SEMA4D: variants seen among roughly 807,000 people sequenced by gnomAD.
SEMA4D encodes semaphorin-4D.
A neutral mutation model predicts 74.8 loss-of-function variants in SEMA4D; 22 were observed. That is an observed-to-expected ratio of 0.29 (90% CI 0.21 to 0.42). The LOEUF (loss-of-function observed/expected upper bound fraction) is 0.42. SEMA4D is among the 10% of genes least tolerant of loss of function. The probability of loss-of-function intolerance (pLI) is 1.00; values close to 1 mark genes in which losing one functional copy is unlikely to be tolerated. For missense variants in SEMA4D, 937 were observed against 1,118.4 expected (o/e 0.84, Z 2.31); for synonymous variants, 445 against 463.7 (o/e 0.96, Z 0.52).
chr9:89,470,079 A>T (rs963326380), intron 1 of SEMA4D, among the ~76,000 whole-genome samples: 1 of 152,266 alleles, frequency 6.6e-6, no homozygotes, highest in African/African-American at 2.4e-5. Context: ...AAGATCAACA[A>T]CATAAAAGTG....
chr9:89,479,076 C>A (rs80283133), intron 1 of SEMA4D, among the ~76,000 whole-genome samples: 12,562 of 152,234 alleles, frequency 0.083, 756 homozygotes, highest in Admixed American at 0.16. Context: ...CAGGGCTGCC[C>A]ACTGGAGCTC....
intron 4 of SEMA4D, among the ~76,000 whole-genome samples, chr9:89,400,189 T>C (rs968018425): frequency 1.2e-4 from 18 of 152,228 alleles, no homozygotes; most frequent in African/African-American, 4.3e-4. Flanking sequence ...GTAAGATCCA[T>C]GTTCCTACCA....
intron 4 of SEMA4D, among the ~76,000 whole-genome samples, chr9:89,400,341 C>T (rs1043638907): frequency 2.6e-5 from 4 of 152,264 alleles, no homozygotes; most frequent in African/African-American, 9.6e-5. Flanking sequence ...CTCTGCCTCA[C>T]CTTCCCCAAA....
At chr9:89,448,583 A>G (rs1853554230) in intron 2 of SEMA4D, among the ~76,000 whole-genome samples, 1 of 151,936 alleles carries the variant, frequency 6.6e-6, no homozygotes, top group East Asian at 1.9e-4. Flanking sequence ...TCTGAGGAAC[A>G]GCGATCCACA....
In SEMA4D at chr9:89,457,485, C is replaced by T. The variant is rs192898577; in HGVS notation, c.-309-1532G>A. 1.5e-3 allele frequency among the ~76,000 whole-genome samples: 224 copies of T among 152,312 alleles called. 1 individual carries two copies. The Middle Eastern group carries it at 0.02, about 14-fold the overall frequency. On this transcript the variant is annotated intron_variant, in intron 1 of 15. Transcript: ENST00000422704. ...GGCACAGTGGTTCACGCCTGTAATC[C>T]CAGCACTTTGGGAGGCCGACATGGG...
chr9:89,450,244 T>C, intron 2 of SEMA4D: 1 of 1,186,504 alleles, frequency 8.4e-7, no homozygotes, highest in South Asian at 1.2e-5. Context: ...GTGGATGTTC[T>C]CATCAGCTCA....
rs532247253 is a variant in SEMA4D at position 89,381,275 on chromosome 9, G to A, written c.1518C>T (p.His506=). 37 of 1,589,370 alleles carry A rather than the reference G, an allele frequency of 2.3e-5. No homozygotes were observed. Among genetic ancestry groups the A allele is most frequent in the South Asian group, 1.3e-4 (12 of 88,922 alleles). The change falls in exon 14 of 16, where the codon CAC becomes CAT. Residue 506 remains histidine (H), a synonymous_variant. Coordinates refer to ENST00000422704, the MANE Select transcript of SEMA4D (RefSeq NM_001371194.2). This position sits in a 1 kb window ranked among gnomAD's most constrained non-coding sequence, Gnocchi z 4.6. ...VQAPLAFCGK[H]GTCEDCVLAR... The stretch of plus-strand genomic sequence containing the variant: ...CCAGCACACAGTCCTCGCAGGTGCC[G>A]TGCTTCCCACAGAAGGCCAGCGGGG...
intron 12 of SEMA4D, chr9:89,387,026 A>G (rs1838676430): frequency 4.3e-6 from 1 of 234,740 alleles, no homozygotes. Flanking sequence ...GTCCTCTGCC[A>G]GCAGTCAGGA....
At chr9:89,411,241 A>G (rs890118503) in intron 2 of SEMA4D, among the ~76,000 whole-genome samples, 3 of 152,238 alleles carry the variant, frequency 2.0e-5, no homozygotes, top group Non-Finnish European at 4.4e-5. Flanking sequence ...AGATACACAG[A>G]TTAGAAAATG....
At chr9:89,463,106 T>C (rs1168100291) in intron 1 of SEMA4D, among the ~76,000 whole-genome samples, 2 of 152,010 alleles carry the variant, frequency 1.3e-5, no homozygotes, top group Non-Finnish European at 2.9e-5. Context: ...TGGCACTCTC[T>C]TCTCTGCATC....
chr9:89,451,749 A>G (rs1463031703), intron 2 of SEMA4D, among the ~76,000 whole-genome samples: 1 of 150,578 alleles, frequency 6.6e-6, no homozygotes, highest in African/African-American at 2.4e-5. Flanking sequence ...ATTAAAATAA[A>G]TTTGGATTTG....
At chr9:89,402,078 TG>T (rs1367802659) in intron 4 of SEMA4D, among the ~76,000 whole-genome samples, 8 of 152,186 alleles carry the variant, frequency 5.3e-5, no homozygotes, top group Admixed American at 2.6e-4. Flanking sequence ...CTGGGTGTGG[TG>T]GCACATACTT....
rs143418969 is a variant in SEMA4D, at chr9:89,382,298, C to T, written c.1447-952G>A. On this transcript the variant is annotated intron_variant, in intron 13 of 15. Transcript: ENST00000422704. ...TAGCCTCTGCCCAGGGCATCTGCCT[C>T]AACAGCCTGGGGACACCTTTTGGTT... 3.1e-3 allele frequency among the ~76,000 whole-genome samples: 473 copies of T among 152,374 alleles called. 1 individual carries two copies. Among genetic ancestry groups the T allele is most frequent in the African/African-American group, 0.011 (453 of 41,586 alleles).
intron 2 of SEMA4D, among the ~76,000 whole-genome samples, chr9:89,417,524 T>C (rs1382449200): frequency 2.6e-5 from 4 of 152,212 alleles, no homozygotes; most frequent in Admixed American, 2.0e-4. Context: ...GAAGGAAAGA[T>C]GGGGTTTGAC....
chr9:89,421,763 C>T (rs574256474), intron 2 of SEMA4D, among the ~76,000 whole-genome samples: 10 of 152,192 alleles, frequency 6.6e-5, no homozygotes, highest in Admixed American at 3.3e-4. Context: ...AGTATGTTTC[C>T]GTCTGTGCAG....
At chr9:89,454,989 C>T (rs891881711) in intron 2 of SEMA4D, among the ~76,000 whole-genome samples, 5 of 152,272 alleles carry the variant, frequency 3.3e-5, no homozygotes, top group Admixed American at 3.3e-4. Flanking sequence ...GACGGGCCAG[C>T]CCATGGCCCA....
intron 13 of SEMA4D, among the ~76,000 whole-genome samples, chr9:89,382,694 G>A (rs1837413978): frequency 6.6e-6 from 1 of 152,242 alleles, no homozygotes; most frequent in Non-Finnish European, 1.5e-5. Context: ...GCGGCTTGTG[G>A]AGGTGGCGGA....
At chr9:89,410,788 C>T (rs1844364857) in intron 2 of SEMA4D, among the ~76,000 whole-genome samples, 1 of 152,230 alleles carries the variant, frequency 6.6e-6, no homozygotes, top group South Asian at 2.1e-4. Context: ...AGGAGGGTTA[C>T]ATGAGGCTTC....
rs369241785 is a variant in SEMA4D at position 89,379,482 on chromosome 9, A to G, written c.1811T>C (p.Met604Thr). 2.5e-5 allele frequency: 40 copies of G among 1,614,058 alleles called. No homozygotes were observed. Among genetic ancestry groups the G allele is most frequent in the African/African-American group, 6.7e-5 (5 of 74,912 alleles). ...GAAGATGAGCAAGTTTTTTCTGCCC[A>G]TAAGACCGTACTTGGGGCTCTCGGC... Reference protein sequence around the residue: ...LKAESPKYGLMGRKNLLIFNL... With the variant: ...LKAESPKYGLTGRKNLLIFNL... Residue 604 changes from methionine (M) to threonine (T), a missense_variant, in exon 16 of 16, where the codon ATG becomes ACG. Met to Thr is a moderately conservative substitution (Grantham distance 81). Coordinates refer to ENST00000422704, the MANE Select transcript of SEMA4D (RefSeq NM_001371194.2).
Sources: gnomAD v4.1 joint callset for allele counts (sites outside exome capture counted in the v4.1 genomes callset) on GRCh38, gnomAD v4.1.1 for gene constraint, Gnocchi (gnomAD v3.1) non-coding constraint, MANE v1.5 for transcripts, NCBI Gene and HGNC (gene_info 2026-07-23, HGNC 2026-07-21) for gene names.